Variants in ETV3 observed in about 807,000 individuals in gnomAD.
The protein encoded by ETV3 is ETS variant transcription factor 3, also known as ETS translocation variant 3.
In ETV3, 8 loss-of-function variants were observed where a neutral mutation model predicts 33.0. The ratio of observed to expected loss-of-function variants is 0.24; its 90% CI spans 0.14 to 0.44. The LOEUF (loss-of-function observed/expected upper bound fraction) is 0.44, where lower values mean the gene tolerates loss of function less well. Ranked by LOEUF, ETV3 falls within the 20% of genes least tolerant of loss-of-function variation. The pLI is 1.00. For synonymous variants in ETV3, 222 were observed against 238.9 expected, an observed-to-expected ratio of 0.93 and a Z score of 0.65; for missense variants, 473 against 652.3, an observed-to-expected ratio of 0.73 and a Z score of 2.99.
chr1:157,129,480 G>A (rs1674921084), intron 4 of ETV3, among the ~76,000 whole-genome samples: 1 of 152,000 alleles, frequency 6.6e-6, no homozygotes, highest in African/African-American at 2.4e-5. Context: ...TTAAGTAGAG[G>A]AAATATAAAC....
rs1674723632 is a variant in ETV3, at chr1:157,122,277, C to G, written c.*2564G>C. 1 of 152,104 alleles carries G rather than the reference C, an allele frequency of 6.6e-6. No homozygotes were observed. Among genetic ancestry groups the G allele is most frequent in the Non-Finnish European group, 1.5e-5 (1 of 68,038 alleles). The allele number at this position is 152,104 out of a possible 1,614,324, so 9.4% of individuals were successfully genotyped here. A position where few individuals can be genotyped will look rare whatever the true frequency, so the allele number is the denominator to read the frequency against. On this transcript the variant is annotated 3_prime_UTR_variant, in exon 5 of 5. Coordinates refer to ENST00000368192, the MANE Select transcript of ETV3 (RefSeq NM_001145312.3). Reference sequence around the variant, plus strand: ...ACTCTTTTGGCCCAGGCAATGTCAACGACTTCCACATTCCCTGGCCCACTT... The same window carrying G: ...ACTCTTTTGGCCCAGGCAATGTCAAGGACTTCCACATTCCCTGGCCCACTT...
At chr1:157,135,215 G>C in intron 3 of ETV3, 1 of 592,868 alleles carries the variant, frequency 1.7e-6, no homozygotes, top group Non-Finnish European at 3.0e-6. Context: ...CTACAGAGCA[G>C]AATCAGCTGT....
At chr1:157,133,606 T>A in intron 4 of ETV3, 3 of 986,828 alleles carry the variant, frequency 3.0e-6, no homozygotes, top group Non-Finnish European at 3.6e-6. Context: ...GATTTGCTGT[T>A]GCAGATCAAA....
intron 4 of ETV3, among the ~76,000 whole-genome samples, chr1:157,132,475 T>C (rs1453994872): frequency 6.6e-6 from 1 of 152,192 alleles, no homozygotes; most frequent in Non-Finnish European, 1.5e-5. Flanking sequence ...GGATTTTCAA[T>C]AGATAAAAAT....
rs1674826137 is a variant in ETV3 at position 157,125,921 on chromosome 1, T to G, written c.459A>C (p.Pro153=). The change falls in exon 5 of 5, where the codon CCA becomes CCC. Residue 153 remains proline (P), a synonymous_variant. Transcript: ENST00000368192. This position sits in a 1 kb window ranked among gnomAD's most constrained non-coding sequence, Gnocchi z 4.0. ...VPTASSRFHF[P]PLDTHSPTND... is the part of the protein sequence containing the mutation. ...TGGTTGGAGAATGGGTGTCCAGAGG[T>G]GGGAAATGGAACCGGGAAGAGGCTG... 22 of 1,551,380 alleles carry G rather than the reference T, an allele frequency of 1.4e-5. No homozygotes were observed. In the East Asian group the frequency reaches 5.4e-4, roughly 38 times the overall value.
rs1374449343 is a variant in ETV3, at chr1:157,124,846, C to T, written c.1534G>A (p.Ala512Thr). ...CTCCTAATCCACTTCCAGTTCTAAG[C>T]ATCAGCAGCTGCTGTTGCCAAGCCC... ...PQGLATAAAD[A>T] Residue 512 changes from alanine (A) to threonine (T), a missense_variant, in exon 5 of 5, where the codon GCT (alanine) becomes ACT (threonine). Around this residue, in one of 3 missense-constraint regions of ETV3, gnomAD observed 410 missense variants for 520.2 expected, o/e 0.79. Coordinates refer to ENST00000368192, the MANE Select transcript of ETV3 (RefSeq NM_001145312.3). The T allele has an allele frequency of 6.9e-7, 1 of 1,453,804 alleles. No individual in the cohort carries two copies. Among genetic ancestry groups the T allele is most frequent in the South Asian group, 1.2e-5 (1 of 80,834 alleles). The allele number at this position is 1,453,804 out of a possible 1,614,324, so 90.1% of individuals were successfully genotyped here. A position where few individuals can be genotyped will look rare whatever the true frequency, so the allele number is the denominator to read the frequency against.
At chr1:157,135,395 T>C (rs1182697549) in intron 3 of ETV3, 76 bp downstream of exon 3, 1 of 1,540,890 alleles carries the variant, frequency 6.5e-7, no homozygotes, top group Non-Finnish European at 8.9e-7. Flanking sequence ...CCTGATACCC[T>C]TTTTATCTAG....
chr1:157,125,810 C>G lies in ETV3; in HGVS notation c.570G>C (p.Glu190Asp). 2 of 1,551,718 alleles carry G rather than the reference C, an allele frequency of 1.3e-6. No individual in the cohort carries two copies. The highest frequency in any genetic ancestry group is 1.7e-6 in the Non-Finnish European group (2 of 1,147,004). Residue 190 changes from glutamate (E) to aspartate (D), a missense_variant, in exon 5 of 5, where the codon GAG becomes GAC. Glu to Asp is a conservative substitution (Grantham distance 45, BLOSUM62 2). Coordinates refer to ENST00000368192, the MANE Select transcript of ETV3 (RefSeq NM_001145312.3). The surrounding 1 kb of genome is among the most constrained non-coding windows in gnomAD (Gnocchi z 4.0). Reference protein sequence around the residue: ...ESSNGTDRKTELSELEDGSAA... With the variant: ...ESSNGTDRKTDLSELEDGSAA... ...CTGAGCCATCCTCCAGCTCTGAAAG[C>G]TCAGTCTTTCTATCAGTACCATTAC...
intron 4 of ETV3, chr1:157,133,530 G>C: frequency 1.0e-6 from 1 of 985,944 alleles, no homozygotes. Flanking sequence ...GGAAAGTCAA[G>C]AGGGGAAGCC....
rs1461059858 is a variant in ETV3 at position 157,121,758 on chromosome 1, G to GAT, written c.*3081_*3082dup. The GAT allele has an allele frequency of 6.6e-6, 1 of 152,192 alleles. No homozygotes were observed. The highest frequency in any genetic ancestry group is 2.1e-4 in the South Asian group (1 of 4,828). 9.4% of individuals were successfully genotyped at this position (152,192 alleles called of 1,614,324 possible). On this transcript the variant is annotated 3_prime_UTR_variant, in exon 5 of 5. Coordinates refer to ENST00000368192, the MANE Select transcript of ETV3 (RefSeq NM_001145312.3). The stretch of plus-strand genomic sequence containing the variant: ...TGACTCTACCCACTTGGTGAGAAGT[G>GAT]ATATACTTCAACTATTTTTTTAATG...
Position 157,123,671 on chromosome 1 carries a change from A to T in ETV3, c.*1170T>A, listed in dbSNP as rs1558028198. 1 of 152,168 alleles carries T rather than the reference A, an allele frequency of 6.6e-6. No individual in the cohort carries two copies. Among genetic ancestry groups the T allele is most frequent in the Non-Finnish European group, 1.5e-5 (1 of 68,020 alleles). The allele number at this position is 152,168 out of a possible 1,614,324, so 9.4% of individuals were successfully genotyped here. ...AGCCTGCCTTTTGGCTACCCATCCCAACAATATCAAGAGGGAATGACTAAG... is the reference window on the plus strand; with the variant it reads ...AGCCTGCCTTTTGGCTACCCATCCCTACAATATCAAGAGGGAATGACTAAG... On this transcript the variant is annotated 3_prime_UTR_variant, in exon 5 of 5. Transcript: ENST00000368192.
Position 157,123,603 on chromosome 1 carries a change from T to G in ETV3, c.*1238A>C, listed in dbSNP as rs1038154416. The G allele has an allele frequency of 2.6e-5, 4 of 152,258 alleles. No homozygotes were observed. Among genetic ancestry groups the G allele is most frequent in the African/African-American group, 9.6e-5 (4 of 41,454 alleles). 9.4% of individuals were successfully genotyped at this position (152,258 alleles called of 1,614,324 possible). A position where few individuals can be genotyped will look rare whatever the true frequency, so the allele number is the denominator to read the frequency against. ...CTCAACATCCACTTGTACCCCCAGC[T>G]ACCTCCCATGTTTCCAGGTATCATT... On this transcript the variant is annotated 3_prime_UTR_variant, in exon 5 of 5. Coordinates refer to ENST00000368192, the MANE Select transcript of ETV3 (RefSeq NM_001145312.3).
chr1:157,124,698 T>C lies in ETV3; in HGVS notation c.*143A>G, dbSNP rs1184186008. The C allele has an allele frequency of 7.2e-6, 6 of 838,724 alleles. No homozygotes were observed. The highest frequency in any genetic ancestry group is 1.1e-5 in the Non-Finnish European group (6 of 564,532). 52.0% of individuals were successfully genotyped at this position (838,724 alleles called of 1,614,324 possible). ...TACAACAGAAGATAACCCCATCCCA[T>C]CCCCAAAACATAAAAATACAAGTCT... On this transcript the variant is annotated 3_prime_UTR_variant, in exon 5 of 5. Coordinates refer to ENST00000368192, the MANE Select transcript of ETV3 (RefSeq NM_001145312.3).
rs149036511 is a variant in ETV3 at position 157,124,589 on chromosome 1, T to C, written c.*252A>G. The C allele has an allele frequency of 0.017, 6,443 of 371,710 alleles. 74 individuals are homozygous for C. Among genetic ancestry groups the C allele is most frequent in the Admixed American group, 0.021 (513 of 24,086 alleles). 23.0% of individuals were successfully genotyped at this position (371,710 alleles called of 1,614,324 possible). A position where few individuals can be genotyped will look rare whatever the true frequency, so the allele number is the denominator to read the frequency against. ...AGAAAGTATAAGCCTCAACAGGAAATAGAGGCTCCTTCTCCTTTGAGTTCA... is the reference window on the plus strand; with the variant it reads ...AGAAAGTATAAGCCTCAACAGGAAACAGAGGCTCCTTCTCCTTTGAGTTCA... On this transcript the variant is annotated 3_prime_UTR_variant, in exon 5 of 5. Transcript: ENST00000368192.
chr1:157,137,978 T>G (rs1571704950), intron 1 of ETV3, among the ~76,000 whole-genome samples: 1 of 151,954 alleles, frequency 6.6e-6, no homozygotes, highest in Non-Finnish European at 1.5e-5. Flanking sequence ...CCCCGAAGAG[T>G]GAGGCATGCA....
chr1:157,127,835 C>T (rs1419036850), intron 4 of ETV3, among the ~76,000 whole-genome samples: 2 of 152,172 alleles, frequency 1.3e-5, no homozygotes, highest in Non-Finnish European at 2.9e-5. Context: ...GTGTGAGCCA[C>T]TGCGCCCAGC....
intron 4 of ETV3, 143 bp from the exon 5 acceptor site, chr1:157,126,122 C>A: frequency 1.4e-6 from 1 of 730,384 alleles, no homozygotes; most frequent in Non-Finnish European, 2.2e-6. Context: ...CTCCAACTTC[C>A]TAGTAACTAC....
At chr1:157,129,317 A>G (rs569914889) in intron 4 of ETV3, among the ~76,000 whole-genome samples, 1 of 152,368 alleles carries the variant, frequency 6.6e-6, no homozygotes, top group Admixed American at 6.5e-5. Flanking sequence ...TAAAAATAGT[A>G]GCAAGTTAAA....
chr1:157,125,642 G>C lies in ETV3; in HGVS notation c.738C>G (p.Pro246=). The change falls in exon 5 of 5, where the codon CCC becomes CCG. Residue 246 remains proline, a synonymous_variant. Coordinates refer to ENST00000368192, the MANE Select transcript of ETV3 (RefSeq NM_001145312.3). The surrounding 1 kb of genome is among the most constrained non-coding windows in gnomAD (Gnocchi z 4.0). ...GGCCAGGGATTGGAGAGACAGCGAA[G>C]GGACTGTGGGGGTCAGGGTACATCC... ...RPGMYPDPHS[P]FAVSPIPGRG... 1 of 1,551,694 alleles carries C rather than the reference G, an allele frequency of 6.4e-7. No individual in the cohort carries two copies. The highest frequency in any genetic ancestry group is 1.4e-5 in the African/African-American group (1 of 73,128).
Sources: allele counts gnomAD v4.1 joint callset (sites outside exome capture counted in the v4.1 genomes callset), GRCh38; gene constraint gnomAD v4.1.1; regional missense constraint gnomAD v4.1.1; non-coding constraint Gnocchi (gnomAD v3.1); transcripts MANE v1.5; gene names NCBI Gene and HGNC (gene_info 2026-07-23, HGNC 2026-07-21).